The following RBFOX1 variants were observed in gnomAD, a reference collection of about 807,000 sequenced individuals.
RBFOX1 encodes the protein RNA binding fox-1 homolog 1.
In RBFOX1, 8 loss-of-function variants were observed where a neutral mutation model predicts 57.7. That is an observed-to-expected ratio of 0.14 (90% CI 0.08 to 0.25). The LOEUF (loss-of-function observed/expected upper bound fraction) is 0.25. RBFOX1 is among the 10% of genes least tolerant of loss of function. The pLI is 1.00. For missense variants in RBFOX1, 611 were observed against 548.5 expected (o/e 1.11, Z -1.14); for synonymous variants, 326 against 222.4 (o/e 1.47, Z -4.15).
At chr16:5,524,780 A>G (rs374670884) in intron 2 of RBFOX1, among the ~76,000 whole-genome samples, 48 of 152,070 alleles carry the variant, frequency 3.2e-4, no homozygotes, top group African/African-American at 1.0e-3. Context: ...ACCTCAAGTA[A>G]TCTTCCAGTC....
chr16:6,341,970 C>G (rs992419876), intron 2 of RBFOX1, among the ~76,000 whole-genome samples: 4 of 152,212 alleles, frequency 2.6e-5, no homozygotes, highest in East Asian at 1.9e-4. Flanking sequence ...TTAATTCCAT[C>G]TACAACCTTA....
In RBFOX1 at chr16:7,234,057, G is replaced by C. The variant is rs565567488; in HGVS notation, c.27+181959G>C. Among the ~76,000 whole-genome samples the C allele has an allele frequency of 2.6e-5, 4 of 152,272 alleles. No homozygotes were observed. The East Asian group carries it at 7.7e-4, about 29-fold the overall frequency. Reference sequence around the variant, plus strand: ...GGAGTTACATTATCATGAGAAGAGAGGGGTTGCATGGAAATTATGTCACAA... The same window carrying C: ...GGAGTTACATTATCATGAGAAGAGACGGGTTGCATGGAAATTATGTCACAA... On this transcript the variant is annotated intron_variant, in intron 4 of 15. Coordinates refer to ENST00000550418, the MANE Select transcript of RBFOX1 (RefSeq NM_018723.4).
rs963412029 is a variant in RBFOX1 at position 5,688,452 on chromosome 16, G to A, written c.318+89491G>A. Among the ~76,000 whole-genome samples the A allele has an allele frequency of 2.0e-5, 3 of 152,174 alleles. No homozygotes were observed. The East Asian group carries it at 5.8e-4, about 29-fold the overall frequency. On this transcript the variant is annotated intron_variant, in intron 3 of 19. Coordinates refer to the RBFOX1 transcript ENST00000641259. ...CCTCATGTTGCCTGCAAGAATTCCT[G>A]AGTGCATTTTAGCCTCTTGAACGAT...
At chr16:5,845,577 G>A (rs1249453534) in intron 3 of RBFOX1, among the ~76,000 whole-genome samples, 4 of 152,186 alleles carry the variant, frequency 2.6e-5, no homozygotes, top group Non-Finnish European at 5.9e-5. Flanking sequence ...GCAGGTGGCC[G>A]AGCTTCTTCA....
intron 10 of RBFOX1, among the ~76,000 whole-genome samples, chr16:7,612,743 G>T (rs887269173): frequency 2.0e-5 from 3 of 152,052 alleles, no homozygotes; most frequent in African/African-American, 4.8e-5. Flanking sequence ...ATAACAGAAG[G>T]TTACACAAAG....
At chr16:5,558,527 A>G (rs2045767885) in intron 2 of RBFOX1, among the ~76,000 whole-genome samples, 1 of 152,142 alleles carries the variant, frequency 6.6e-6, no homozygotes, top group African/African-American at 2.4e-5. Flanking sequence ...CTTAGTGACC[A>G]GAGACACTCC....
At position 5,816,285 on chromosome 16, in the gene RBFOX1, C is replaced by G. The variant is rs915110578; in HGVS notation, c.319-51018C>G. On this transcript the variant is annotated intron_variant, in intron 3 of 19. Coordinates refer to the RBFOX1 transcript ENST00000641259. ...ATTCCTTCAAGCTCTCTTCCTCCCT[C>G]ATCTAGGAAGATTCTCTAACTGCCA... 7.2e-5 allele frequency among the ~76,000 whole-genome samples: 11 copies of G among 152,160 alleles called. No individual in the cohort carries two copies. The East Asian group carries it at 1.4e-3, about 19-fold the overall frequency.
intron 1 of RBFOX1, among the ~76,000 whole-genome samples, chr16:5,453,170 G>C (rs555274938): frequency 6.6e-6 from 1 of 152,110 alleles, no homozygotes; most frequent in Admixed American, 6.5e-5. Flanking sequence ...TATTTATCAA[G>C]CTCCTACTGT....
chr16:6,707,696 G>T (rs1203851214), intron 3 of RBFOX1, among the ~76,000 whole-genome samples: 1 of 152,130 alleles, frequency 6.6e-6, no homozygotes, highest in African/African-American at 2.4e-5. Context: ...ATAGGAGAGT[G>T]CCCTTCCTCC....
chr16:7,555,955 G>A (rs997814680), intron 5 of RBFOX1, among the ~76,000 whole-genome samples: 1 of 152,076 alleles, frequency 6.6e-6, no homozygotes, highest in African/African-American at 2.4e-5. Flanking sequence ...CTTGAGAGGA[G>A]GGATTTTTTC....
At chr16:5,450,069 A>G (rs2068375065) in intron 1 of RBFOX1, among the ~76,000 whole-genome samples, 1 of 152,202 alleles carries the variant, frequency 6.6e-6, no homozygotes, top group African/African-American at 2.4e-5. Context: ...GACCACTTGG[A>G]TCTGAGAAAG....
chr16:6,711,558 C>T (rs1398739016), intron 3 of RBFOX1, among the ~76,000 whole-genome samples: 3 of 152,156 alleles, frequency 2.0e-5, no homozygotes, highest in Non-Finnish European at 4.4e-5. Flanking sequence ...GGCAGTTCTG[C>T]CCTCACTCTC....
chr16:7,109,789 C>G (rs752616), intron 4 of RBFOX1, among the ~76,000 whole-genome samples: 1 of 152,086 alleles, frequency 6.6e-6, no homozygotes, highest in Non-Finnish European at 1.5e-5. Flanking sequence ...CACTCGTTTG[C>G]TGAACAAACC....
intron 3 of RBFOX1, among the ~76,000 whole-genome samples, chr16:5,625,031 C>A (rs1167139364): frequency 1.3e-5 from 2 of 152,178 alleles, no homozygotes. Context: ...AGCAGTCACC[C>A]TCCATAGGCG....
chr16:7,693,882 A>G (rs942434535), intron 14 of RBFOX1, among the ~76,000 whole-genome samples: 3 of 152,208 alleles, frequency 2.0e-5, no homozygotes, highest in East Asian at 1.9e-4. Flanking sequence ...TCTATTAGCC[A>G]AAGATCCTCT....
At chr16:7,191,289 C>CT (rs2152631917) in intron 4 of RBFOX1, among the ~76,000 whole-genome samples, 1 of 151,346 alleles carries the variant, frequency 6.6e-6, no homozygotes, top group Admixed American at 6.6e-5. Context: ...CAGAAAGTTG[C>CT]TTTTTTTCCT....
intron 3 of RBFOX1, among the ~76,000 whole-genome samples, chr16:6,729,214 A>T (rs1031368590): frequency 3.9e-5 from 6 of 152,104 alleles, no homozygotes; most frequent in African/African-American, 1.4e-4. Flanking sequence ...ATATGATTAT[A>T]TGTATATAAT....
chr16:7,060,635 A>G (rs1018048849), intron 4 of RBFOX1, among the ~76,000 whole-genome samples: 1 of 152,160 alleles, frequency 6.6e-6, no homozygotes, highest in African/African-American at 2.4e-5. Flanking sequence ...TCAGAACCCC[A>G]TCTGTCTATA....
intron 3 of RBFOX1, among the ~76,000 whole-genome samples, chr16:5,789,646 C>T (rs753229994): frequency 6.6e-6 from 1 of 152,290 alleles, no homozygotes; most frequent in African/African-American, 2.4e-5. Context: ...GTATCTTGTT[C>T]ATGACTCATG....
Sources: gnomAD v4.1 joint callset for allele counts (sites outside exome capture counted in the v4.1 genomes callset) on GRCh38, gnomAD v4.1.1 for gene constraint, MANE v1.5 for transcripts, NCBI Gene and HGNC (gene_info 2026-07-23, HGNC 2026-07-21) for gene names.